Variants in PAX1 observed in about 807,000 individuals in gnomAD.
PAX1 encodes paired box 1.
PAX1 carries 18 observed loss-of-function variants against 35.6 expected under a neutral mutation model. The observed-to-expected ratio is 0.50, with a 90% confidence interval of 0.35 to 0.75. The LOEUF (loss-of-function observed/expected upper bound fraction) is 0.75. Among genes scored for constraint, PAX1 ranks in the 30% least tolerant of loss-of-function variants. The pLI is 0.01. For synonymous variants in PAX1, 397 were observed against 305.2 expected (o/e 1.30, Z -3.14); for missense variants, 760 against 661.5 (o/e 1.15, Z -1.63).
intron 3 of PAX1, 98 bp from the exon 4 acceptor site, chr20:21,709,124 G>A (rs945772707): frequency 2.1e-6 from 2 of 938,706 alleles, no homozygotes; most frequent in Admixed American, 1.7e-5. Context: ...CACAGGACGT[G>A]GGGGAGCGAT....
intron 2 of PAX1, chr20:21,708,332 C>T (rs897194289): frequency 1.7e-5 from 11 of 650,100 alleles, no homozygotes; most frequent in South Asian, 1.4e-4. Flanking sequence ...CGTGGGAAAC[C>T]GGTTGAAGGC....
chr20:21,706,683 G>C lies in PAX1; in HGVS notation c.532G>C (p.Val178Leu). ...SKPRVTTPNV[V>L]KHIRDYKQGD... The stretch of plus-strand genomic sequence containing the variant: ...GCCCCGCGTCACCACTCCCAACGTG[G>C]TCAAGCACATCCGGGACTACAAGCA... The change falls in exon 2 of 5, where the codon GTC becomes CTC. Residue 178 changes from valine to leucine, a missense_variant. By Grantham distance (32) the Val-to-Leu change is conservative. Transcript: ENST00000613128. The surrounding 1 kb of genome is among the most constrained non-coding windows in gnomAD (Gnocchi z 5.3). 6.2e-7 allele frequency: 1 copy of C among 1,613,092 alleles called. No individual in the cohort carries two copies. Among genetic ancestry groups the C allele is most frequent in the African/African-American group, 1.3e-5 (1 of 75,064 alleles).
chr20:21,705,755 T>A lies in PAX1; in HGVS notation c.43T>A (p.Ser15Thr). 1 of 1,261,142 alleles carries A rather than the reference T, an allele frequency of 7.9e-7. No individual in the cohort carries two copies. Among genetic ancestry groups the A allele is most frequent in the South Asian group, 4.0e-5 (1 of 25,310 alleles). 78.1% of individuals were successfully genotyped at this position (1,261,142 alleles called of 1,614,324 possible). Residue 15 changes from serine (S) to threonine (T), a missense_variant, in exon 1 of 5, where the codon TCC becomes ACC. This residue lies in a region of PAX1 where 222 missense variants were observed against 153.0 expected (regional missense o/e 1.45). Transcript: ENST00000613128. ...CCTGGGGTCGCGGGCGTGGAGAGTG[T>A]CCTGGGAGGGGGCAGCAGCGGCGGC... ...LGLGSRAWRV[S>T]WEGAAAAAAG...
At position 21,712,157 on chromosome 20, in the gene PAX1, G is replaced by A. The variant is rs1040792843; in HGVS notation, c.1283-2314G>A. 5.3e-5 allele frequency among the ~76,000 whole-genome samples: 8 copies of A among 152,160 alleles called. 1 individual carries two copies. The South Asian group carries it at 6.2e-4, about 12-fold the overall frequency. On this transcript the variant is annotated intron_variant, in intron 4 of 4. Transcript: ENST00000613128. ...TCCTCCAAATTAGTGCAAATGAACA[G>A]CTTAACAGTTACCCTAAGTGAAACT...
intron 2 of PAX1, chr20:21,708,258 G>C: frequency 1.8e-6 from 1 of 546,048 alleles, no homozygotes; most frequent in Non-Finnish European, 3.3e-6. Context: ...AGCCGTGTCT[G>C]GACAATGGAG....
In PAX1 at chr20:21,708,571, G is replaced by C. The variant is rs1985090576; in HGVS notation, c.930G>C (p.Gly310=). Residue 310 remains glycine, a synonymous_variant, in exon 3 of 5, where the codon GGG becomes GGC. Transcript: ENST00000613128. ...TCTCTCCTGCAGGGGCCCTGGCTGG[G>C]AGCGAAGGCACCGCTTACTCTCCCA... ...TFMEQTGALA[G]SEGTAYSPKM... is the part of the protein sequence containing the mutation. 2 of 1,613,742 alleles carry C rather than the reference G, an allele frequency of 1.2e-6. No homozygotes were observed. Among genetic ancestry groups the C allele is most frequent in the Non-Finnish European group, 1.7e-6 (2 of 1,180,040 alleles).
Position 21,706,652 on chromosome 20 carries a change from G to A in PAX1, c.501G>A (p.Gly167=), listed in dbSNP as rs1431156312. ...TGSILPGAIG[G]SKPRVTTPNV... is the part of the protein sequence containing the mutation. ...CCATTCTGCCCGGGGCCATCGGGGGGAGCAAGCCCCGCGTCACCACTCCCA... is the reference window on the plus strand; with the variant it reads ...CCATTCTGCCCGGGGCCATCGGGGGAAGCAAGCCCCGCGTCACCACTCCCA... The change falls in exon 2 of 5, where the codon GGG becomes GGA. Residue 167 remains glycine (G), a synonymous_variant. Transcript: ENST00000613128. This position sits in a 1 kb window ranked among gnomAD's most constrained non-coding sequence, Gnocchi z 5.3. 1.2e-6 allele frequency: 2 copies of A among 1,612,236 alleles called. No homozygotes were observed. The highest frequency in any genetic ancestry group is 4.5e-5 in the East Asian group (2 of 44,858).
chr20:21,706,951 T>A lies in PAX1; in HGVS notation c.800T>A (p.Met267Lys), dbSNP rs751907260. ...CCCGTGTCGCCCACGGGCGCCAAGA[T>A]GGGCAGCCACCCCGGGGTCCCGGGC... ...PSPVSPTGAK[M>K]GSHPGVPGTA... The change falls in exon 2 of 5, where the codon ATG becomes AAG. Residue 267 changes from methionine (M) to lysine (K), a missense_variant. Physicochemically the swap from Met to Lys is moderately conservative, Grantham distance 95 (BLOSUM62 -1). Coordinates refer to ENST00000613128, the MANE Select transcript of PAX1 (RefSeq NM_001257096.2). This position sits in a 1 kb window ranked among gnomAD's most constrained non-coding sequence, Gnocchi z 5.3. The A allele has an allele frequency of 6.2e-7, 1 of 1,612,450 alleles. No homozygotes were observed. Among genetic ancestry groups the A allele is most frequent in the East Asian group, 2.2e-5 (1 of 44,848 alleles).
chr20:21,709,301 GCGCCCCGGGCGGCGGCTACCT>G lies in PAX1; in HGVS notation c.1150_1170del (p.Gly384_Gly390del), dbSNP rs1211822492. The G allele has an allele frequency of 1.2e-6, 2 of 1,602,434 alleles. No homozygotes were observed. The highest frequency in any genetic ancestry group is 1.1e-5 in the South Asian group (1 of 91,008). On this transcript the variant is annotated inframe_deletion, in exon 4 of 5. Coordinates refer to ENST00000613128, the MANE Select transcript of PAX1 (RefSeq NM_001257096.2). Reference sequence around the variant, plus strand: ...GCCTCCAACCAGCACGGCGTGTACAGCGCCCCGGGCGGCGGCTACCTCGCCCCGGGCCCGCCGTGGCCGCCT... The same window carrying G: ...GCCTCCAACCAGCACGGCGTGTACAGCGCCCCGGGCCCGCCGTGGCCGCCT...
rs1026316842 is a variant in PAX1, at chr20:21,713,382, T to TTGTG, written c.1283-1063_1283-1060dup. Among the ~76,000 whole-genome samples, 313 of 146,366 alleles carry TTGTG rather than the reference T, an allele frequency of 2.1e-3. 3 individuals carry two copies. Among genetic ancestry groups the TTGTG allele is most frequent in the South Asian group, 6.5e-3 (29 of 4,452 alleles). On this transcript the variant is annotated intron_variant, in intron 4 of 4. Coordinates refer to ENST00000613128, the MANE Select transcript of PAX1 (RefSeq NM_001257096.2). ...CGAAACCGTGTGTTTTCTTTTTTTT[T>TTGTG]TGTGTGTGTGTGTGTGTGTGTGTGT... is the stretch of plus-strand genomic sequence containing the variant.
rs567722346 is a variant in PAX1, at chr20:21,718,028, C to T, written c.*3466C>T. 3.9e-5 allele frequency: 6 copies of T among 152,306 alleles called. No individual in the cohort carries two copies. In the East Asian group the frequency reaches 1.2e-3, roughly 29 times the overall value. 9.4% of individuals were successfully genotyped at this position (152,306 alleles called of 1,614,324 possible). On this transcript the variant is annotated 3_prime_UTR_variant, in exon 5 of 5. Transcript: ENST00000613128. The stretch of plus-strand genomic sequence containing the variant: ...GAGCTGAAGATCTGCTCTTTGCGTA[C>T]CACCAGCTTCAGCTCCAATGTACCC...
chr20:21,706,685 C>G lies in PAX1; in HGVS notation c.534C>G (p.Val178=). ...SKPRVTTPNV[V]KHIRDYKQGD... is the part of the protein sequence containing the mutation. ...CCCGCGTCACCACTCCCAACGTGGTCAAGCACATCCGGGACTACAAGCAAG... is the reference window on the plus strand; with the variant it reads ...CCCGCGTCACCACTCCCAACGTGGTGAAGCACATCCGGGACTACAAGCAAG... Residue 178 remains valine (V), a synonymous_variant, in exon 2 of 5, where the codon GTC becomes GTG. Coordinates refer to ENST00000613128, the MANE Select transcript of PAX1 (RefSeq NM_001257096.2). This position sits in a 1 kb window ranked among gnomAD's most constrained non-coding sequence, Gnocchi z 5.3. The G allele has an allele frequency of 6.2e-7, 1 of 1,613,190 alleles. No individual in the cohort carries two copies. Among genetic ancestry groups the G allele is most frequent in the Non-Finnish European group, 8.5e-7 (1 of 1,180,044 alleles).
chr20:21,706,874 G>T lies in PAX1; in HGVS notation c.723G>T (p.Pro241=), dbSNP rs1434161578. 1 of 1,613,434 alleles carries T rather than the reference G, an allele frequency of 6.2e-7. No individual in the cohort carries two copies. The highest frequency in any genetic ancestry group is 8.5e-7 in the Non-Finnish European group (1 of 1,180,014). Residue 241 remains proline, a synonymous_variant, in exon 2 of 5, where the codon CCG becomes CCT. Coordinates refer to ENST00000613128, the MANE Select transcript of PAX1 (RefSeq NM_001257096.2). The surrounding 1 kb of genome is among the most constrained non-coding windows in gnomAD (Gnocchi z 5.3). ...PGPYEASKQP[P]SQPTLPYNHI... ...CGTACGAGGCAAGTAAGCAGCCGCC[G>T]TCGCAGCCTACGCTGCCCTACAACC...
At position 21,705,734 on chromosome 20, in the gene PAX1, G is replaced by A. The variant is rs1984954016; in HGVS notation, c.22G>A (p.Gly8Arg). MKFTLGL[G>R]SRAWRVSWEG... is the part of the protein sequence containing the mutation. The stretch of plus-strand genomic sequence containing the variant: ...TCGGATGAAGTTCACCCTGGGCCTG[G>A]GGTCGCGGGCGTGGAGAGTGTCCTG... Residue 8 changes from glycine (G) to arginine (R), a missense_variant, in exon 1 of 5, where the codon GGG (glycine) becomes AGG (arginine). Gly to Arg is a moderately radical substitution (Grantham distance 125). Transcript: ENST00000613128. 12 of 1,248,928 alleles carry A rather than the reference G, an allele frequency of 9.6e-6. No homozygotes were observed. Among genetic ancestry groups the A allele is most frequent in the Non-Finnish European group, 1.2e-5 (12 of 990,848 alleles). 77.4% of individuals were successfully genotyped at this position (1,248,928 alleles called of 1,614,324 possible). A position where few individuals can be genotyped will look rare whatever the true frequency, so the allele number is the denominator to read the frequency against.
chr20:21,708,654 A>T lies in PAX1; in HGVS notation c.1013A>T (p.Asn338Ile). Residue 338 changes from asparagine (N) to isoleucine (I), a missense_variant, in exon 3 of 5, where the codon AAT becomes ATT. Physicochemically the swap from Asn to Ile is moderately radical, Grantham distance 149. This residue lies in a region of PAX1 where 490 missense variants were observed against 428.4 expected (regional missense o/e 1.14). Transcript: ENST00000613128. ...RTAFPATPAV[N>I]GLEKPALEAD... ...GCCTTCCCCGCCACCCCCGCAGTGA[A>T]TGGGCTAGAGAAACCTGCCTTAGAG... 6.2e-7 allele frequency: 1 copy of T among 1,613,654 alleles called. No individual in the cohort carries two copies. Among genetic ancestry groups the T allele is most frequent in the Non-Finnish European group, 8.5e-7 (1 of 1,180,030 alleles).
At position 21,706,056 on chromosome 20, in the gene PAX1, C is replaced by G. The variant is rs1300490370; in HGVS notation, c.286+58C>G. On this transcript the variant is annotated intron_variant, in intron 1 of 4. Transcript: ENST00000613128. This position sits in a 1 kb window ranked among gnomAD's most constrained non-coding sequence, Gnocchi z 5.3. ...GGCTGATGAGGTGGGTCGGGTCCGC[C>G]TGCCTCCCTTCCCTCTCGTCCGCTT... 8.9e-6 allele frequency: 12 copies of G among 1,341,474 alleles called. No homozygotes were observed. The highest frequency in any genetic ancestry group is 1.5e-5 in the African/African-American group (1 of 68,374). The allele number at this position is 1,341,474 out of a possible 1,614,324, so 83.1% of individuals were successfully genotyped here.
chr20:21,714,715 GCCCC>G lies in PAX1; in HGVS notation c.*155_*158del. 6.2e-7 allele frequency: 1 copy of G among 1,605,760 alleles called. No homozygotes were observed. Among genetic ancestry groups the G allele is most frequent in the Non-Finnish European group, 8.5e-7 (1 of 1,179,778 alleles). ...GGCCCGCGGGGTGCACGCCCAGCCA[GCCCC>G]CAGGCCCAGCCCTGCCTCTGGCCGG... On this transcript the variant is annotated 3_prime_UTR_variant, in exon 5 of 5. Coordinates refer to ENST00000613128, the MANE Select transcript of PAX1 (RefSeq NM_001257096.2).
In PAX1 at chr20:21,718,020, T is replaced by A. The variant is rs1600332003; in HGVS notation, c.*3458T>A. 1 of 152,362 alleles carries A rather than the reference T, an allele frequency of 6.6e-6. No homozygotes were observed. The highest frequency in any genetic ancestry group is 2.4e-5 in the African/African-American group (1 of 41,584). 9.4% of individuals were successfully genotyped at this position (152,362 alleles called of 1,614,324 possible). Reference sequence around the variant, plus strand: ...ACAGACATGAGCTGAAGATCTGCTCTTTGCGTACCACCAGCTTCAGCTCCA... The same window carrying A: ...ACAGACATGAGCTGAAGATCTGCTCATTGCGTACCACCAGCTTCAGCTCCA... On this transcript the variant is annotated 3_prime_UTR_variant, in exon 5 of 5. Coordinates refer to ENST00000613128, the MANE Select transcript of PAX1 (RefSeq NM_001257096.2).
chr20:21,710,537 C>T (rs1012875044), intron 4 of PAX1, among the ~76,000 whole-genome samples: 2 of 152,212 alleles, frequency 1.3e-5, no homozygotes, highest in South Asian at 4.1e-4. Flanking sequence ...GCTGCTTTGC[C>T]TCCACCTGTC....
Sources: gnomAD v4.1 joint callset for allele counts (sites outside exome capture counted in the v4.1 genomes callset) on GRCh38, gnomAD v4.1.1 for gene constraint, gnomAD v4.1.1 regional missense constraint, Gnocchi (gnomAD v3.1) non-coding constraint, MANE v1.5 for transcripts, NCBI Gene and HGNC (gene_info 2026-07-23, HGNC 2026-07-21) for gene names.